The following RERG variants were observed in gnomAD, a reference collection of about 807,000 sequenced individuals.
RERG encodes the protein RAS like estrogen regulated growth inhibitor.
Under a neutral mutation model 23.2 loss-of-function variants are expected in RERG, and 25 were observed. The ratio of observed to expected loss-of-function variants is 1.08; its 90% confidence interval spans 0.79 to 1.50. The LOEUF (loss-of-function observed/expected upper bound fraction) is 1.50, where lower values mean the gene tolerates loss of function less well. RERG is among the 40% of genes most tolerant of loss of function. The pLI, the probability that RERG is intolerant of heterozygous loss-of-function variation, is 0.00. For missense variants in RERG, 253 were observed against 250.1 expected, an observed-to-expected ratio of 1.01 and a Z score of -0.08; for synonymous variants, 81 against 89.1, an observed-to-expected ratio of 0.91 and a Z score of 0.51.
At chr12:15,171,926 C>T (rs564752109) in intron 2 of RERG, among the ~76,000 whole-genome samples, 1 of 152,252 alleles carries the variant, frequency 6.6e-6, no homozygotes, top group South Asian at 2.1e-4. Flanking sequence ...TAAGACCTAA[C>T]ATTTTTACTT....
chr12:15,111,669 T>C (rs2136082562), intron 3 of RERG, among the ~76,000 whole-genome samples: 1 of 149,570 alleles, frequency 6.7e-6, no homozygotes. Flanking sequence ...TTTGCATCTT[T>C]GCTACCCTAT....
chr12:15,198,235 A>G (rs979455704), intron 2 of RERG, among the ~76,000 whole-genome samples: 11 of 151,902 alleles, frequency 7.2e-5, no homozygotes, highest in African/African-American at 2.2e-4. Context: ...ACCGCTCTCA[A>G]TGCACCCCTT....
intron 2 of RERG, among the ~76,000 whole-genome samples, chr12:15,214,315 A>G (rs1443834928): frequency 1.3e-5 from 2 of 152,288 alleles, no homozygotes; most frequent in South Asian, 4.1e-4. Context: ...GTAACTTGCC[A>G]AAGTTGCCAA....
At chr12:15,211,732 C>T (rs1865368949) in intron 2 of RERG, among the ~76,000 whole-genome samples, 1 of 152,138 alleles carries the variant, frequency 6.6e-6, no homozygotes, top group African/African-American at 2.4e-5. Flanking sequence ...CATGCTAATT[C>T]ACCTGGTTTG....
At chr12:15,156,004 AT>A (rs1467558727) in intron 2 of RERG, among the ~76,000 whole-genome samples, 10 of 77,468 alleles carry the variant, frequency 1.3e-4, no homozygotes, top group Admixed American at 6.5e-4. Flanking sequence ...ATAAAAAAAT[AT>A]ATATATATAT....
At chr12:15,143,859 T>C (rs1187248032) in intron 2 of RERG, among the ~76,000 whole-genome samples, 1 of 152,172 alleles carries the variant, frequency 6.6e-6, no homozygotes, top group Admixed American at 6.5e-5. Flanking sequence ...ACTAACAAGA[T>C]GTCATCTAGG....
chr12:15,196,587 C>G (rs2136138122), intron 2 of RERG, among the ~76,000 whole-genome samples: 1 of 152,104 alleles, frequency 6.6e-6, no homozygotes, highest in East Asian at 1.9e-4. Flanking sequence ...TGCTTGGGGT[C>G]AACTCAAACA....
intron 2 of RERG, among the ~76,000 whole-genome samples, chr12:15,171,645 T>C (rs921123803): frequency 6.6e-6 from 1 of 152,220 alleles, no homozygotes; most frequent in African/African-American, 2.4e-5. Context: ...TTTCATGTTG[T>C]TAATGAATTA....
At chr12:15,197,820 G>A (rs770831572) in intron 2 of RERG, among the ~76,000 whole-genome samples, 2 of 152,132 alleles carry the variant, frequency 1.3e-5, no homozygotes, top group Non-Finnish European at 2.9e-5. Flanking sequence ...GTATGTGTGT[G>A]CACAGTGGTG....
At chr12:15,195,521 ACTTAACTT>A (rs1172018148) in intron 2 of RERG, among the ~76,000 whole-genome samples, 2 of 148,984 alleles carry the variant, frequency 1.3e-5, no homozygotes, top group Non-Finnish European at 3.0e-5. Context: ...GAAAATTTCC[ACTTAACTT>A]CTTAAGGCAC....
intron 2 of RERG, among the ~76,000 whole-genome samples, chr12:15,194,635 A>G (rs879771279): frequency 6.6e-6 from 1 of 152,080 alleles, no homozygotes; most frequent in East Asian, 1.9e-4. Context: ...CTTGGAGCCC[A>G]TCTCTTCCAA....
At chr12:15,112,783 C>T (rs1455415140) in intron 3 of RERG, among the ~76,000 whole-genome samples, 1 of 152,014 alleles carries the variant, frequency 6.6e-6, no homozygotes, top group Non-Finnish European at 1.5e-5. Flanking sequence ...AAATGAGCCT[C>T]AAAGGAGAGA....
intron 2 of RERG, among the ~76,000 whole-genome samples, chr12:15,159,083 A>T (rs996956690): frequency 6.6e-6 from 1 of 152,154 alleles, no homozygotes; most frequent in African/African-American, 2.4e-5. Context: ...CATTTCTTCT[A>T]CATTTATTGG....
chr12:15,205,548 C>T (rs1013384523), intron 2 of RERG, among the ~76,000 whole-genome samples: 6 of 152,136 alleles, frequency 3.9e-5, no homozygotes, highest in Middle Eastern at 3.4e-3. Context: ...TCCTTTAAAC[C>T]GTCAAACTCA....
chr12:15,164,629 A>AT (rs1489932506), intron 2 of RERG, among the ~76,000 whole-genome samples: 1 of 152,198 alleles, frequency 6.6e-6, no homozygotes, highest in East Asian at 1.9e-4. Flanking sequence ...ATTAGTTGCC[A>AT]TACCCTGAGC....
intron 2 of RERG, among the ~76,000 whole-genome samples, chr12:15,180,798 G>T (rs1420752512): frequency 6.6e-6 from 1 of 152,150 alleles, no homozygotes; most frequent in Non-Finnish European, 1.5e-5. Flanking sequence ...CCATGGGTTT[G>T]TATCTCCCAG....
chr12:15,202,077 T>C (rs1017551525), intron 2 of RERG, among the ~76,000 whole-genome samples: 5 of 151,876 alleles, frequency 3.3e-5, no homozygotes, highest in African/African-American at 1.2e-4. Context: ...CATTACTTTG[T>C]TGTCCTTTTA....
chr12:15,173,786 A>C (rs1338419295), intron 2 of RERG, among the ~76,000 whole-genome samples: 1 of 151,928 alleles, frequency 6.6e-6, no homozygotes, highest in Non-Finnish European at 1.5e-5. Context: ...CATTGTTAGT[A>C]TATAGAAATA....
At chr12:15,163,835 T>C (rs1864648338) in intron 2 of RERG, among the ~76,000 whole-genome samples, 1 of 151,950 alleles carries the variant, frequency 6.6e-6, no homozygotes, top group Non-Finnish European at 1.5e-5. Context: ...TTAAGGTAAT[T>C]AGAACTCTAG....
Sources: gnomAD v4.1 joint callset for allele counts (sites outside exome capture counted in the v4.1 genomes callset) on GRCh38, gnomAD v4.1.1 for gene constraint, MANE v1.5 for transcripts, NCBI Gene and HGNC (gene_info 2026-07-23, HGNC 2026-07-21) for gene names.